Variants in TRHDE observed in about 807,000 individuals in gnomAD.
TRHDE encodes the protein thyrotropin-releasing hormone-degrading ectoenzyme.
In TRHDE, 72 loss-of-function variants were observed where a neutral mutation model predicts 125.7. The ratio of observed to expected loss-of-function variants is 0.57; its 90% CI spans 0.47 to 0.70. The LOEUF is 0.70. TRHDE is among the 30% of genes least tolerant of loss of function. The pLI is 0.00. For missense variants in TRHDE, 1,110 were observed against 1,327.1 expected (o/e 0.84, Z 2.54); for synonymous variants, 509 against 509.1 (o/e 1.00, Z 0.00).
chr12:72,108,701 A>G (rs1340520600), intron 2 of TRHDE, among the ~76,000 whole-genome samples: 3 of 152,094 alleles, frequency 2.0e-5, no homozygotes, highest in Non-Finnish European at 4.4e-5. Flanking sequence ...TATTAAACCC[A>G]TGGTAATTAG....
At chr12:72,289,430 A>AT (rs1285268540) in intron 2 of TRHDE, among the ~76,000 whole-genome samples, 3 of 152,314 alleles carry the variant, frequency 2.0e-5, no homozygotes, top group Admixed American at 2.0e-4. Flanking sequence ...AAATTCAAGC[A>AT]TTCAGACTGA....
chr12:72,608,661 C>T (rs1872535837), intron 12 of TRHDE, among the ~76,000 whole-genome samples: 1 of 152,108 alleles, frequency 6.6e-6, no homozygotes, highest in South Asian at 2.1e-4. Context: ...TTCACTAAGA[C>T]CTCCATTTTA....
At chr12:72,255,663 G>A (rs575753675) in intron 2 of TRHDE, 1 of 152,290 alleles carries the variant, frequency 6.6e-6, no homozygotes, top group South Asian at 2.1e-4. Context: ...TCTTTAACTT[G>A]AGATGTTACA....
At chr12:72,158,051 G>T (rs1876556655) in intron 2 of TRHDE, among the ~76,000 whole-genome samples, 1 of 152,122 alleles carries the variant, frequency 6.6e-6, no homozygotes, top group South Asian at 2.1e-4. Context: ...ATAGGAAGAG[G>T]ACTGAGAATT....
chr12:72,600,368 C>T (rs1243839396), intron 12 of TRHDE, among the ~76,000 whole-genome samples: 4 of 151,810 alleles, frequency 2.6e-5, no homozygotes, highest in African/African-American at 7.3e-5. Context: ...TTAATGATAT[C>T]GATTCTTCCA....
intron 3 of TRHDE, among the ~76,000 whole-genome samples, chr12:72,394,929 T>TA (rs1872734053): frequency 6.6e-6 from 1 of 152,202 alleles, no homozygotes; most frequent in African/African-American, 2.4e-5. Flanking sequence ...TCTTTTAAAT[T>TA]AAAAAATTTT....
intron 3 of TRHDE, among the ~76,000 whole-genome samples, chr12:72,405,998 G>A (rs17111127): frequency 0.064 from 9,728 of 152,136 alleles, 661 homozygotes; most frequent in African/African-American, 0.16. Flanking sequence ...TCACTAGCTC[G>A]TAGGACTTTT....
chr12:72,439,353 G>A (rs915714557), intron 3 of TRHDE, among the ~76,000 whole-genome samples: 1 of 151,668 alleles, frequency 6.6e-6, no homozygotes, highest in Non-Finnish European at 1.5e-5. Context: ...TGGTTATTTT[G>A]ATAGCAATTG....
intron 15 of TRHDE, among the ~76,000 whole-genome samples, chr12:72,626,247 C>T (rs1873252319): frequency 6.6e-6 from 1 of 151,884 alleles, no homozygotes; most frequent in Admixed American, 6.6e-5. Context: ...CTTTTAGTTT[C>T]CTCATCTGCA....
At chr12:72,366,696 AC>A (rs1412450384) in intron 2 of TRHDE, among the ~76,000 whole-genome samples, 2 of 151,840 alleles carry the variant, frequency 1.3e-5, no homozygotes, top group Non-Finnish European at 2.9e-5. Flanking sequence ...GGGCCCAAAA[AC>A]CCCCATAGTA....
At chr12:72,453,821 A>G (rs1210317363) in intron 3 of TRHDE, among the ~76,000 whole-genome samples, 6 of 152,192 alleles carry the variant, frequency 3.9e-5, no homozygotes, top group African/African-American at 1.4e-4. Flanking sequence ...GGTACAGCTC[A>G]GACCACTGAT....
At chr12:72,369,407 A>G (rs1472163254) in intron 2 of TRHDE, among the ~76,000 whole-genome samples, 1 of 152,188 alleles carries the variant, frequency 6.6e-6, no homozygotes, top group East Asian at 1.9e-4. Context: ...CACAGGAGTA[A>G]AGGATGGAGA....
intron 12 of TRHDE, among the ~76,000 whole-genome samples, chr12:72,602,453 T>A (rs1292757926): frequency 3.3e-5 from 5 of 152,160 alleles, no homozygotes; most frequent in African/African-American, 7.2e-5. Context: ...TTATTTGGAA[T>A]AATGAAATCT....
intron 2 of TRHDE, among the ~76,000 whole-genome samples, chr12:72,373,804 G>A (rs1871737214): frequency 1.3e-5 from 2 of 152,080 alleles, no homozygotes; most frequent in South Asian, 2.1e-4. Context: ...GTTATGAGTG[G>A]ATTGAAGTTA....
At chr12:72,135,070 A>G (rs547777491) in intron 2 of TRHDE, among the ~76,000 whole-genome samples, 55 of 152,332 alleles carry the variant, frequency 3.6e-4, no homozygotes, top group Admixed American at 2.6e-3. Flanking sequence ...GGATGTGAGC[A>G]TGAATGTAAA....
intron 1 of TRHDE, among the ~76,000 whole-genome samples, chr12:72,282,618 G>A (rs1879737820): frequency 6.6e-6 from 1 of 152,220 alleles, no homozygotes; most frequent in South Asian, 2.1e-4. Flanking sequence ...GAGATCTGAT[G>A]TAACCAGAAT....
intron 6 of TRHDE, among the ~76,000 whole-genome samples, chr12:72,503,576 A>G (rs564092020): frequency 6.6e-6 from 1 of 152,342 alleles, no homozygotes; most frequent in South Asian, 2.1e-4. Context: ...TAAGCCATTT[A>G]TTCAATCTTG....
chr12:72,658,666 T>C (rs150859749), intron 18 of TRHDE, among the ~76,000 whole-genome samples: 241 of 152,346 alleles, frequency 1.6e-3, no homozygotes, highest in African/African-American at 5.5e-3. Context: ...ATTAAATTTT[T>C]ACACTTTATT....
intron 2 of TRHDE, among the ~76,000 whole-genome samples, chr12:72,185,105 G>A (rs1241950598): frequency 6.6e-6 from 1 of 152,186 alleles, no homozygotes; most frequent in Admixed American, 6.5e-5. Flanking sequence ...TTCTGGGTGG[G>A]CGTGGGCTTG....
Sources: allele counts gnomAD v4.1 joint callset (sites outside exome capture counted in the v4.1 genomes callset), GRCh38; gene constraint gnomAD v4.1.1; transcripts MANE v1.5; gene names NCBI Gene and HGNC (gene_info 2026-07-23, HGNC 2026-07-21).